Variants in IL21R observed in about 807,000 individuals in gnomAD.
IL21R encodes interleukin 21 receptor.
A neutral mutation model predicts 41.3 loss-of-function variants in IL21R; 14 were observed. The observed-to-expected ratio is 0.34, with a 90% CI of 0.22 to 0.53. The LOEUF is 0.53. IL21R is among the 20% of genes least tolerant of loss of function. IL21R has a pLI of 0.94. For missense variants in IL21R, 588 were observed against 681.6 expected (o/e 0.86, Z 1.53); for synonymous variants, 286 against 287.6 (o/e 0.99, Z 0.05).
chr16:27,411,003 C>A (rs1427642917), intron 1 of IL21R, among the ~76,000 whole-genome samples: 2 of 152,188 alleles, frequency 1.3e-5, no homozygotes, highest in Non-Finnish European at 1.5e-5. Context: ...AGGACTTCCT[C>A]CTTTTTAAAG....
intron 4 of IL21R, among the ~76,000 whole-genome samples, chr16:27,438,576 CCAGGG>C (rs944714126): frequency 1.3e-5 from 2 of 151,896 alleles, no homozygotes; most frequent in African/African-American, 4.8e-5. Context: ...AAAACAAGAA[CCAGGG>C]CAGGGGCCAG....
At chr16:27,424,718 A>G (rs1441051259) in intron 1 of IL21R, among the ~76,000 whole-genome samples, 1 of 152,196 alleles carries the variant, frequency 6.6e-6, no homozygotes, top group Non-Finnish European at 1.5e-5. Context: ...CCTCCGTAGG[A>G]GACTGCAGAG....
Position 27,430,078 on chromosome 16 carries a change from C to T in IL21R, c.7C>T (p.Arg3Cys), listed in dbSNP as rs1385136152. Residue 3 changes from arginine (R) to cysteine (C), a missense_variant, in exon 2 of 9, where the codon CGT (arginine) becomes TGT (cysteine). Physicochemically the swap from Arg to Cys is radical, Grantham distance 180. Coordinates refer to ENST00000337929, the MANE Select transcript of IL21R (RefSeq NM_181078.3). ...CAGGCCCGTGGGAGTCAGCATGCCG[C>T]GTGGCTGGGCCGCCCCCTTGCTCCT... MP[R>C]GWAAPLLLLL... is the part of the protein sequence containing the mutation. 1.1e-5 allele frequency: 17 copies of T among 1,606,112 alleles called. No individual in the cohort carries two copies. Among genetic ancestry groups the T allele is most frequent in the Admixed American group, 5.0e-5 (3 of 59,970 alleles).
chr16:27,441,863 T>C (rs377712850), intron 4 of IL21R, among the ~76,000 whole-genome samples: 2 of 151,960 alleles, frequency 1.3e-5, no homozygotes, highest in East Asian at 3.9e-4. Context: ...GACAAATAAT[T>C]AGCCAAGTGT....
At chr16:27,412,666 A>G (rs1361591824) in intron 1 of IL21R, among the ~76,000 whole-genome samples, 1 of 152,056 alleles carries the variant, frequency 6.6e-6, no homozygotes, top group Non-Finnish European at 1.5e-5. Flanking sequence ...ATTTCCTTCA[A>G]AAATGTTTTA....
rs1356964296 is a variant in IL21R, at chr16:27,425,553, TGTTTTG to T, written c.-16-4502_-16-4497del. On this transcript the variant is annotated intron_variant, in intron 1 of 8. Coordinates refer to ENST00000337929, the MANE Select transcript of IL21R (RefSeq NM_181078.3). ...CACTACTCTCTCTTTTTTTGTGTTT[TGTTTTG>T]TTTTTTTTTGAGACAGAGTGTCTTG... Among the ~76,000 whole-genome samples the T allele has an allele frequency of 1.8e-3, 271 of 147,564 alleles. 2 individuals are homozygous for T. The highest frequency in any genetic ancestry group is 0.017 in the Middle Eastern group (5 of 294).
Position 27,451,193 on chromosome 16 carries a change from T to TTGGGGGCAACAGGTTCC in IL21R, c.*1911_*1927dup, listed in dbSNP as rs768642156. 7.8e-4 allele frequency: 178 copies of TTGGGGGCAACAGGTTCC among 228,970 alleles called. No individual in the cohort carries two copies. Among genetic ancestry groups the TTGGGGGCAACAGGTTCC allele is most frequent in the Non-Finnish European group, 4.5e-4 (53 of 117,044 alleles). The allele number at this position is 228,970 out of a possible 1,614,324, so 14.2% of individuals were successfully genotyped here. On this transcript the variant is annotated 3_prime_UTR_variant, in exon 9 of 9. Coordinates refer to ENST00000337929, the MANE Select transcript of IL21R (RefSeq NM_181078.3). ...GATGTGCTGTGGTTTTCACACCTTC[T>TTGGGGGCAACAGGTTCC]TGGGGGCAACAGGTTCCAGGAGCCA...
At chr16:27,410,870 C>G (rs764112010) in intron 1 of IL21R, among the ~76,000 whole-genome samples, 25 of 152,186 alleles carry the variant, frequency 1.6e-4, no homozygotes, top group Admixed American at 6.5e-4. Flanking sequence ...CTTTCTGTTT[C>G]TATGAGATTG....
intron 1 of IL21R, among the ~76,000 whole-genome samples, chr16:27,407,825 AAAAACAAAAC>A (rs1409967124): frequency 6.6e-6 from 1 of 152,214 alleles, no homozygotes; most frequent in African/African-American, 2.4e-5. Flanking sequence ...ACTCCATCTC[AAAAACAAAAC>A]AAAACAAACA....
intron 3 of IL21R, 77 bp downstream of exon 3, chr16:27,434,526 G>A: frequency 2.2e-6 from 2 of 891,258 alleles, no homozygotes; most frequent in East Asian, 2.6e-5. Flanking sequence ...GGAGGACACT[G>A]TGCACTGAGG....
At chr16:27,426,871 A>C (rs1240224818) in intron 1 of IL21R, among the ~76,000 whole-genome samples, 2 of 152,200 alleles carry the variant, frequency 1.3e-5, no homozygotes, top group African/African-American at 4.8e-5. Flanking sequence ...AATAGAATTC[A>C]ACATGATTAA....
At chr16:27,437,428 C>A in intron 3 of IL21R, 60 bp from the exon 4 acceptor site, 1 of 1,391,626 alleles carries the variant, frequency 7.2e-7, no homozygotes, top group African/African-American at 1.4e-5. Context: ...GAGCACTGAG[C>A]CCACCACCAT....
At chr16:27,422,556 G>A (rs1227767974) in intron 1 of IL21R, among the ~76,000 whole-genome samples, 1 of 152,004 alleles carries the variant, frequency 6.6e-6, no homozygotes, top group African/African-American at 2.4e-5. Context: ...GATGTTACTA[G>A]TATGTTGCCA....
At chr16:27,431,513 G>A (rs2087170906) in intron 2 of IL21R, among the ~76,000 whole-genome samples, 1 of 152,196 alleles carries the variant, frequency 6.6e-6, no homozygotes, top group African/African-American at 2.4e-5. Flanking sequence ...GTCTGTCTTA[G>A]TCTGTCTGTG....
intron 1 of IL21R, among the ~76,000 whole-genome samples, chr16:27,421,335 C>CAAAAAAA (rs35250936): frequency 4.8e-5 from 4 of 84,192 alleles, no homozygotes; most frequent in Non-Finnish European, 6.6e-5. Context: ...TCAATTTCTG[C>CAAAAAAA]AAAAAAAAAA....
intron 1 of IL21R, among the ~76,000 whole-genome samples, chr16:27,425,405 A>G (rs1012124116): frequency 6.6e-6 from 1 of 152,218 alleles, no homozygotes; most frequent in Admixed American, 6.5e-5. Context: ...CCCAGAAGTG[A>G]GCAGTTTATT....
At chr16:27,409,703 C>A (rs2086798698) in intron 1 of IL21R, among the ~76,000 whole-genome samples, 1 of 152,162 alleles carries the variant, frequency 6.6e-6, no homozygotes, top group East Asian at 1.9e-4. Flanking sequence ...TGTTTCTGTT[C>A]TTTTCCATTG....
At chr16:27,428,861 C>T (rs1248742268) in intron 1 of IL21R, among the ~76,000 whole-genome samples, 1 of 152,210 alleles carries the variant, frequency 6.6e-6, no homozygotes, top group Non-Finnish European at 1.5e-5. Flanking sequence ...ATTGGGCTAA[C>T]CTTATCTTAA....
At chr16:27,436,421 T>C (rs1031302617) in intron 3 of IL21R, among the ~76,000 whole-genome samples, 2 of 151,500 alleles carry the variant, frequency 1.3e-5, no homozygotes, top group African/African-American at 4.9e-5. Context: ...GTGGCTGGAG[T>C]GGAGTGAGGC....
Sources: allele counts gnomAD v4.1 joint callset (sites outside exome capture counted in the v4.1 genomes callset), GRCh38; gene constraint gnomAD v4.1.1; transcripts MANE v1.5; gene names NCBI Gene and HGNC (gene_info 2026-07-23, HGNC 2026-07-21).